PRKG2: variants seen among roughly 807,000 people sequenced by gnomAD.
PRKG2 encodes protein kinase cGMP-dependent 2.
In PRKG2, 33 loss-of-function variants were observed where a neutral mutation model predicts 97.2. That is an observed-to-expected ratio of 0.34 (90% confidence interval 0.26 to 0.45). PRKG2 has a LOEUF of 0.45. Among genes scored for constraint, PRKG2 ranks in the 20% least tolerant of loss-of-function variants. PRKG2 has a pLI of 1.00. For missense variants in PRKG2, 638 were observed against 900.0 expected, an observed-to-expected ratio of 0.71 and a Z score of 3.73; for synonymous variants, 330 against 321.8, an observed-to-expected ratio of 1.03 and a Z score of -0.27.
At chr4:81,144,517 C>A (rs1039743756) in intron 9 of PRKG2, among the ~76,000 whole-genome samples, 187 bp from the exon 10 acceptor site, 15 of 151,212 alleles carry the variant, frequency 9.9e-5, no homozygotes, top group Admixed American at 7.9e-4. Context: ...ATAATTGATC[C>A]TTTGATTTTA....
intron 6 of PRKG2, among the ~76,000 whole-genome samples, chr4:81,165,500 G>C (rs920862865): frequency 6.6e-5 from 10 of 152,108 alleles, no homozygotes; most frequent in Admixed American, 6.6e-5. Flanking sequence ...CCAAGTTGAT[G>C]GGTCATTAGT....
intron 6 of PRKG2, among the ~76,000 whole-genome samples, chr4:81,155,958 C>T (rs1749048975): frequency 6.6e-6 from 1 of 151,976 alleles, no homozygotes; most frequent in Admixed American, 6.5e-5. Context: ...ACAACCGGTA[C>T]CAGCCACTGC....
intron 2 of PRKG2, among the ~76,000 whole-genome samples, chr4:81,186,662 C>A (rs537557337): frequency 5.3e-5 from 8 of 151,668 alleles, no homozygotes; most frequent in African/African-American, 1.9e-4. Flanking sequence ...AAAAACCCTT[C>A]AAAAAAAATC....
intron 2 of PRKG2, chr4:81,175,917 G>T (rs1246236551): frequency 6.6e-6 from 1 of 151,984 alleles, no homozygotes; most frequent in Non-Finnish European, 1.5e-5. Context: ...ATTTACTCTC[G>T]ATCATAAAAC....
rs1053412051 is a variant in PRKG2, at chr4:81,137,494, G to A, written c.1545-12C>T. 11 of 1,583,368 alleles carry A rather than the reference G, an allele frequency of 6.9e-6. No individual in the cohort carries two copies. In the Admixed American group the frequency reaches 8.5e-5, roughly 12 times the overall value. ...AAGTACGATATAATCTGTGAAGACA[G>A]ATAAAAACATGGTTATTATTGGAAA... On this transcript the variant is annotated splice_polypyrimidine_tract_variant and intron_variant, in intron 12 of 18. Transcript: ENST00000264399.
Position 81,139,732 on chromosome 4 carries a change from G to A in PRKG2, c.1544+801C>T, listed in dbSNP as rs530640951. Among the ~76,000 whole-genome samples the A allele has an allele frequency of 2.0e-3, 292 of 143,766 alleles. 6 individuals carry two copies. Among genetic ancestry groups the A allele is most frequent in the Non-Finnish European group, 3.6e-3 (244 of 67,052 alleles). The allele number at this position is 143,766 out of a possible 152,430, so 94.3% of individuals were successfully genotyped here. On this transcript the variant is annotated intron_variant, in intron 12 of 18. Transcript: ENST00000264399. ...GGAGCTTGCAGTGAGCAAAGATCAC[G>A]CCACTGCACTGAAGCCTGGGTGACA...
At chr4:81,091,375 T>G (rs1463331524) in intron 18 of PRKG2, among the ~76,000 whole-genome samples, 2 of 152,052 alleles carry the variant, frequency 1.3e-5, no homozygotes, top group African/African-American at 4.8e-5. Flanking sequence ...CTCCACCTCC[T>G]GAGTTCACGC....
chr4:81,180,739 C>G (rs1046371388), intron 2 of PRKG2, among the ~76,000 whole-genome samples: 1 of 152,110 alleles, frequency 6.6e-6, no homozygotes, highest in Non-Finnish European at 1.5e-5. Flanking sequence ...GTAAATAGAT[C>G]TGAATATTTG....
chr4:81,139,311 T>TCA (rs1747018634), intron 12 of PRKG2, among the ~76,000 whole-genome samples: 1 of 152,132 alleles, frequency 6.6e-6, no homozygotes, highest in African/African-American at 2.4e-5. Flanking sequence ...CTGAGGAGTT[T>TCA]CACACAAATC....
At chr4:81,133,931 G>A (rs1264442569) in intron 14 of PRKG2, among the ~76,000 whole-genome samples, 1 of 152,096 alleles carries the variant, frequency 6.6e-6, no homozygotes, top group Non-Finnish European at 1.5e-5. Context: ...CATCCCTCAT[G>A]TTGGTTCTAC....
At chr4:81,174,038 A>G (rs538656402) in intron 3 of PRKG2, 2 of 152,198 alleles carry the variant, frequency 1.3e-5, no homozygotes, top group African/African-American at 4.8e-5. Flanking sequence ...GCTTCTATAT[A>G]CAAAAGAGAA....
upstream of PRKG2, among the ~76,000 whole-genome samples, chr4:81,216,335 T>C (rs2110143003): frequency 6.7e-6 from 1 of 150,242 alleles, no homozygotes; most frequent in South Asian, 2.1e-4. Flanking sequence ...TTCATGAAGC[T>C]ATCCCAGAGT....
At chr4:81,102,817 A>G (rs1247660696) in intron 17 of PRKG2, among the ~76,000 whole-genome samples, 1 of 152,168 alleles carries the variant, frequency 6.6e-6, no homozygotes, top group Non-Finnish European at 1.5e-5. Flanking sequence ...GCTACTGTTA[A>G]GAAACATGAA....
At chr4:81,194,092 G>A (rs1578508646) in intron 2 of PRKG2, among the ~76,000 whole-genome samples, 1 of 152,060 alleles carries the variant, frequency 6.6e-6, no homozygotes, top group Admixed American at 6.6e-5. Context: ...TCCTTTGCAT[G>A]CCTATCTCTT....
chr4:81,103,161 CT>C (rs1249653247), intron 17 of PRKG2, among the ~76,000 whole-genome samples: 1 of 151,988 alleles, frequency 6.6e-6, no homozygotes, highest in African/African-American at 2.4e-5. Context: ...GAGAGGATGT[CT>C]TTTTTTTATT....
At chr4:81,093,052 A>G (rs1266016414) in intron 17 of PRKG2, among the ~76,000 whole-genome samples, 4 of 152,070 alleles carry the variant, frequency 2.6e-5, no homozygotes, top group Non-Finnish European at 4.4e-5. Context: ...GTAAAAGGCA[A>G]AGTCTGTTCC....
chr4:81,207,147 T>C (rs1201402683), intron 1 of PRKG2, among the ~76,000 whole-genome samples: 2 of 152,196 alleles, frequency 1.3e-5, no homozygotes, highest in East Asian at 3.9e-4. Context: ...ATTCAGAATA[T>C]GTTATATTGA....
intron 14 of PRKG2, among the ~76,000 whole-genome samples, chr4:81,124,106 T>C (rs954083472): frequency 2.6e-5 from 4 of 152,194 alleles, no homozygotes; most frequent in Non-Finnish European, 5.9e-5. Context: ...CTTAAGCATA[T>C]CCTTTGTATG....
intron 3 of PRKG2, chr4:81,173,955 C>T: frequency 6.6e-6 from 1 of 151,892 alleles, no homozygotes; most frequent in East Asian, 1.9e-4. Flanking sequence ...ACTTTTTTCC[C>T]TAAAACTCAA....
Sources: gnomAD v4.1 joint callset for allele counts (sites outside exome capture counted in the v4.1 genomes callset) on GRCh38, gnomAD v4.1.1 for gene constraint, MANE v1.5 for transcripts, NCBI Gene and HGNC (gene_info 2026-07-23, HGNC 2026-07-21) for gene names.